Variants in OCA2 observed in about 807,000 individuals in gnomAD.
The protein encoded by OCA2 is P protein.
Under a neutral mutation model 100.2 loss-of-function variants are expected in OCA2, and 77 were observed. The ratio of observed to expected loss-of-function variants is 0.77; its 90% CI spans 0.64 to 0.93. The LOEUF is 0.93. OCA2 is among the 40% of genes least tolerant of loss of function. The probability of loss-of-function intolerance (pLI) is 0.00; values close to 1 mark genes in which losing one functional copy is unlikely to be tolerated. For synonymous variants in OCA2, 432 were observed against 439.2 expected, an observed-to-expected ratio of 0.98 and a Z score of 0.21; for missense variants, 1,062 against 1,089.1, an observed-to-expected ratio of 0.98 and a Z score of 0.35.
chr15:27,898,221 A>G (rs1417140178), intron 19 of OCA2, among the ~76,000 whole-genome samples: 1 of 152,174 alleles, frequency 6.6e-6, no homozygotes, highest in Non-Finnish European at 1.5e-5. Context: ...TTGGTTTTGC[A>G]ATGTAAAGAC....
chr15:28,033,581 GCA>G (rs1425501674), intron 2 of OCA2, among the ~76,000 whole-genome samples: 6 of 152,140 alleles, frequency 3.9e-5, no homozygotes, highest in Non-Finnish European at 8.8e-5. Context: ...TCTCTGGGCA[GCA>G]CTGGGCCACT....
In OCA2 at chr15:27,834,442, G is replaced by A. The variant is rs1595487634; in HGVS notation, c.2432+10517C>T. Among the ~76,000 whole-genome samples the A allele has an allele frequency of 1.3e-5, 2 of 152,298 alleles. 1 individual carries two copies. On this transcript the variant is annotated intron_variant, in intron 23 of 23. Transcript: ENST00000354638. ...CCTTTAAAATAAGTAGTAAAGGTAG[G>A]TAACATGCTTTCCTGAGTTCTCTGA...
At chr15:27,948,216 A>G (rs1203626775) in intron 18 of OCA2, among the ~76,000 whole-genome samples, 1 of 152,120 alleles carries the variant, frequency 6.6e-6, no homozygotes, top group Non-Finnish European at 1.5e-5. Context: ...GGGGATTCTC[A>G]TTGTGCCACG....
chr15:27,786,704 C>T lies in OCA2; in HGVS notation c.2433-31232G>A, dbSNP rs137897724. On this transcript the variant is annotated intron_variant, in intron 23 of 23. Transcript: ENST00000354638. ...TTTCTACAGAATTTTTCATGGGTTCCATAGAATTTTCTATATACAGGATTC... is the reference window on the plus strand; with the variant it reads ...TTTCTACAGAATTTTTCATGGGTTCTATAGAATTTTCTATATACAGGATTC... Among the ~76,000 whole-genome samples, 637 of 152,146 alleles carry T rather than the reference C, an allele frequency of 4.2e-3. 3 individuals are homozygous for T. The highest frequency in any genetic ancestry group is 0.014 in the African/African-American group (600 of 41,536).
chr15:27,796,366 C>G (rs1026441895), intron 23 of OCA2, among the ~76,000 whole-genome samples: 3 of 152,278 alleles, frequency 2.0e-5, no homozygotes, highest in Non-Finnish European at 4.4e-5. Flanking sequence ...AGCCCCTGTC[C>G]CACGTGGACA....
Position 27,959,661 on chromosome 15 carries a change from T to C in OCA2, c.1637-1926A>G, listed in dbSNP as rs16950676. On this transcript the variant is annotated intron_variant, in intron 15 of 23. Transcript: ENST00000354638. ...TGGGTGCGGGCTGGAAGTCTCTCCATGCCTTTATGTTTGGAGAAGCAAAGC... is the reference window on the plus strand; with the variant it reads ...TGGGTGCGGGCTGGAAGTCTCTCCACGCCTTTATGTTTGGAGAAGCAAAGC... Among the ~76,000 whole-genome samples, 1,058 of 152,262 alleles carry C rather than the reference T, an allele frequency of 6.9e-3. 16 individuals are homozygous for C. The highest frequency in any genetic ancestry group is 0.024 in the African/African-American group (978 of 41,542).
chr15:28,029,238 G>A (rs776375580), intron 3 of OCA2, among the ~76,000 whole-genome samples: 10 of 152,174 alleles, frequency 6.6e-5, no homozygotes, highest in Non-Finnish European at 1.3e-4. Context: ...TTATTCAGAA[G>A]AAGCGTAGAG....
chr15:28,022,433 T>A, intron 6 of OCA2, 68 bp downstream of exon 6: 1 of 1,149,486 alleles, frequency 8.7e-7, no homozygotes, highest in East Asian at 2.3e-5. Context: ...CACAACCGTC[T>A]GCAAGTGTCT....
chr15:27,802,303 T>C (rs1480541015), intron 23 of OCA2, among the ~76,000 whole-genome samples: 1 of 151,658 alleles, frequency 6.6e-6, no homozygotes, highest in Non-Finnish European at 1.5e-5. Flanking sequence ...TAAAAGAAGG[T>C]TAAAAAAATG....
intron 18 of OCA2, among the ~76,000 whole-genome samples, chr15:27,945,797 G>A (rs1055502931): frequency 2.0e-5 from 3 of 152,022 alleles, no homozygotes; most frequent in African/African-American, 7.3e-5. Flanking sequence ...AGAATCTGGG[G>A]TACATTCTGA....
chr15:27,819,929 G>A (rs1445546378), intron 23 of OCA2, among the ~76,000 whole-genome samples: 2 of 152,098 alleles, frequency 1.3e-5, no homozygotes, highest in Non-Finnish European at 2.9e-5. Context: ...TAAGATGAGC[G>A]TGGAACATAT....
intron 18 of OCA2, among the ~76,000 whole-genome samples, chr15:27,931,374 G>A (rs1334142252): frequency 3.3e-5 from 5 of 150,518 alleles, no homozygotes; most frequent in Middle Eastern, 3.2e-3. Flanking sequence ...TGCTCTTGTC[G>A]CCCAGGCTGG....
At chr15:28,062,523 C>T (rs1184916597) in intron 2 of OCA2, among the ~76,000 whole-genome samples, 1 of 152,184 alleles carries the variant, frequency 6.6e-6, no homozygotes, top group Non-Finnish European at 1.5e-5. Flanking sequence ...TGTCTTTCCA[C>T]TTCTTGACAG....
chr15:27,776,639 GCTCT>G (rs796477223), intron 23 of OCA2: 12 of 152,240 alleles, frequency 7.9e-5, no homozygotes, highest in African/African-American at 2.7e-4. Flanking sequence ...GCCTGCGGAG[GCTCT>G]CTCTCCTGTG....
At chr15:27,753,567 A>T (rs893961811), downstream of OCA2, among the ~76,000 whole-genome samples, 3 of 152,000 alleles carry the variant, frequency 2.0e-5, no homozygotes, top group African/African-American at 7.2e-5. Flanking sequence ...CCCCGTGTCT[A>T]CTAAAAATAC....
At chr15:27,967,794 T>C (rs2140838661) in intron 14 of OCA2, among the ~76,000 whole-genome samples, 1 of 152,362 alleles carries the variant, frequency 6.6e-6, no homozygotes, top group East Asian at 1.9e-4. Flanking sequence ...CCCCACTAGG[T>C]TGATTTGTCC....
chr15:27,907,887 A>G (rs551232957), intron 19 of OCA2, among the ~76,000 whole-genome samples: 3 of 152,322 alleles, frequency 2.0e-5, no homozygotes, highest in South Asian at 4.1e-4. Flanking sequence ...CTCCCAAAAA[A>G]GAGCCAGGCC....
At chr15:27,742,410 C>T in the OCA2 span, among the ~76,000 whole-genome samples, 2 of 152,250 alleles carry the variant, frequency 1.3e-5, no homozygotes, top group East Asian at 3.9e-4. Flanking sequence ...CCAGCCCAGA[C>T]CAACTGTGCA....
At chr15:27,878,927 G>A (rs936591359) in intron 19 of OCA2, among the ~76,000 whole-genome samples, 1 of 152,136 alleles carries the variant, frequency 6.6e-6, no homozygotes, top group African/African-American at 2.4e-5. Context: ...TGTGTGCCAT[G>A]GTAGTTTGCT....
Sources: allele counts gnomAD v4.1 joint callset (sites outside exome capture counted in the v4.1 genomes callset), GRCh38; gene constraint gnomAD v4.1.1; transcripts MANE v1.5; gene names NCBI Gene and HGNC (gene_info 2026-07-23, HGNC 2026-07-21).